MTMR7: variants seen among roughly 807,000 people sequenced by gnomAD.
MTMR7 encodes the protein myotubularin related protein 7, also known as phosphatidylinositol-3-phosphate phosphatase MTMR7.
A neutral mutation model predicts 81.2 loss-of-function variants in MTMR7; 76 were observed. The observed-to-expected ratio is 0.94, with a 90% CI of 0.78 to 1.13. The LOEUF is 1.13. Among genes scored for constraint, MTMR7 ranks in the 50% most tolerant of loss-of-function variants. The pLI is 0.00. For synonymous variants in MTMR7, 372 were observed against 289.8 expected, an observed-to-expected ratio of 1.28 and a Z score of -2.88; for missense variants, 1,044 against 820.0, an observed-to-expected ratio of 1.27 and a Z score of -3.34.
chr8:17,313,281 C>T lies in MTMR7; in HGVS notation c.975+11G>A. 2 of 1,583,124 alleles carry T rather than the reference C, an allele frequency of 1.3e-6. No individual in the cohort carries two copies. Among genetic ancestry groups the T allele is most frequent in the Non-Finnish European group, 1.7e-6 (2 of 1,154,164 alleles). ...TCTGTCCCTTAATTTATTTTCTCTG[C>T]AATTGCATACCTTTGCAATGAAGAT... On this transcript the variant is annotated intron_variant, in intron 8 of 13. Coordinates refer to ENST00000180173, the MANE Select transcript of MTMR7 (RefSeq NM_004686.5).
chr8:17,382,988 C>T (rs1339235339), intron 1 of MTMR7, among the ~76,000 whole-genome samples: 9 of 151,954 alleles, frequency 5.9e-5, no homozygotes. Flanking sequence ...ACTGTCAGGA[C>T]AGAATGTCTT....
chr8:17,388,906 T>C (rs896396083), intron 1 of MTMR7, among the ~76,000 whole-genome samples: 4 of 152,224 alleles, frequency 2.6e-5, no homozygotes, highest in Non-Finnish European at 5.9e-5. Context: ...GACTGCATAA[T>C]TGGCACCATA....
In MTMR7 at chr8:17,340,481, A is replaced by G. The variant is rs186434788; in HGVS notation, c.732+882T>C. 2.4e-4 allele frequency among the ~76,000 whole-genome samples: 36 copies of G among 152,320 alleles called. No homozygotes were observed. In the East Asian group the frequency reaches 6.0e-3, roughly 25 times the overall value. On this transcript the variant is annotated intron_variant, in intron 6 of 13. Transcript: ENST00000180173. Reference sequence around the variant, plus strand: ...CATCTCATTCTGTCTGCTGTAGTCAATGCACTTGTAGGTGACTTTGTGTCC... The same window carrying G: ...CATCTCATTCTGTCTGCTGTAGTCAGTGCACTTGTAGGTGACTTTGTGTCC...
intron 1 of MTMR7, among the ~76,000 whole-genome samples, chr8:17,389,937 G>A (rs1821052681): frequency 1.3e-5 from 2 of 151,982 alleles, no homozygotes; most frequent in East Asian, 3.9e-4. Context: ...AATATTTATT[G>A]TGCACCTTTA....
chr8:17,397,905 G>A (rs1821311575), intron 1 of MTMR7, among the ~76,000 whole-genome samples: 1 of 152,152 alleles, frequency 6.6e-6, no homozygotes, highest in African/African-American at 2.4e-5. Context: ...AGAAAATAAA[G>A]GAAGAGAAAA....
intron 4 of MTMR7, among the ~76,000 whole-genome samples, chr8:17,355,463 G>C (rs1030032800): frequency 6.6e-6 from 1 of 151,924 alleles, no homozygotes; most frequent in Non-Finnish European, 1.5e-5. Flanking sequence ...TGACTTTTAA[G>C]TATCAAGATT....
intron 9 of MTMR7, 150 bp downstream of exon 9, chr8:17,311,361 T>A (rs80249899): frequency 2.9e-6 from 3 of 1,032,664 alleles, no homozygotes; most frequent in Non-Finnish European, 2.8e-6. Flanking sequence ...CTGATTAAAT[T>A]AATCTTGATC....
At chr8:17,300,267 C>T (rs75248937) in intron 13 of MTMR7, 43 bp from the exon 14 acceptor site, 1 of 1,560,770 alleles carries the variant, frequency 6.4e-7, no homozygotes, top group Non-Finnish European at 8.7e-7. Context: ...TCATAAATAA[C>T]TTATCTTTTT....
At chr8:17,351,041 A>T (rs1819714148) in intron 4 of MTMR7, among the ~76,000 whole-genome samples, 1 of 152,188 alleles carries the variant, frequency 6.6e-6, no homozygotes, top group Admixed American at 6.5e-5. Flanking sequence ...ACCTCCATGA[A>T]GTCAGCCAGC....
chr8:17,393,283 G>A (rs1189880837), intron 1 of MTMR7, among the ~76,000 whole-genome samples: 1 of 152,116 alleles, frequency 6.6e-6, no homozygotes, highest in African/African-American at 2.4e-5. Flanking sequence ...ACTCAACATA[G>A]ATCAAAGACC....
chr8:17,347,055 G>A (rs1793462691), intron 5 of MTMR7, among the ~76,000 whole-genome samples: 1 of 151,872 alleles, frequency 6.6e-6, no homozygotes, highest in Non-Finnish European at 1.5e-5. Flanking sequence ...AATTAGCTGG[G>A]CCGGGTGGCA....
chr8:17,345,339 G>A (rs979852124), intron 5 of MTMR7, among the ~76,000 whole-genome samples: 1 of 152,186 alleles, frequency 6.6e-6, no homozygotes, highest in African/African-American at 2.4e-5. Flanking sequence ...TGCCAGTCAT[G>A]GAATGATGCA....
At chr8:17,302,504 G>A (rs1217241793) in intron 12 of MTMR7, 32 of 459,398 alleles carry the variant, frequency 7.0e-5, no homozygotes, top group Non-Finnish European at 7.6e-6. Context: ...AAGTCTGCCT[G>A]TATATATGAA....
rs1159639189 is a variant in MTMR7, at chr8:17,299,897, G to A, written c.1948C>T (p.Arg650Trp). Reference sequence around the variant, plus strand: ...AGAAACACGGCTTCATCAGAATCCCGGTCCTTGCCACTATCTTCACTCGGT... The same window carrying A: ...AGAAACACGGCTTCATCAGAATCCCAGTCCTTGCCACTATCTTCACTCGGT... Reference protein sequence around the residue: ...HAPSEDSGKDRDSDEAVFLTA With the variant: ...HAPSEDSGKDWDSDEAVFLTA Residue 650 changes from arginine (R) to tryptophan (W), a missense_variant, in exon 14 of 14, where the codon CGG (arginine) becomes TGG (tryptophan). Physicochemically the swap from Arg to Trp is moderately radical, Grantham distance 101 (BLOSUM62 -3). Transcript: ENST00000180173. 1.3e-5 allele frequency: 21 copies of A among 1,614,058 alleles called. No individual in the cohort carries two copies. Among genetic ancestry groups the A allele is most frequent in the East Asian group, 2.2e-5 (1 of 44,870 alleles).
At chr8:17,406,625 C>G (rs928676792) in intron 1 of MTMR7, among the ~76,000 whole-genome samples, 29 of 152,254 alleles carry the variant, frequency 1.9e-4, no homozygotes, top group African/African-American at 6.5e-4. Context: ...TCACCAAATT[C>G]TGTTCTCAGA....
At chr8:17,301,859 A>C (rs1455732618) in intron 13 of MTMR7, 3 of 410,156 alleles carry the variant, frequency 7.3e-6, no homozygotes, top group Non-Finnish European at 1.3e-5. Context: ...ACTTTCCAGA[A>C]AAAAATTAAT....
chr8:17,309,551 T>C (rs974069271), intron 9 of MTMR7, among the ~76,000 whole-genome samples: 2 of 152,186 alleles, frequency 1.3e-5, no homozygotes, highest in African/African-American at 2.4e-5. Context: ...TGTATAAAAA[T>C]GCAGGAACCC....
intron 4 of MTMR7, among the ~76,000 whole-genome samples, chr8:17,351,783 T>C (rs1188391708): frequency 1.3e-5 from 2 of 152,204 alleles, no homozygotes. Context: ...TAGAATGCAT[T>C]TGAGAAAAGC....
intron 1 of MTMR7, among the ~76,000 whole-genome samples, chr8:17,410,548 C>T (rs992252785): frequency 2.0e-5 from 3 of 152,116 alleles, no homozygotes; most frequent in African/African-American, 7.3e-5. Context: ...TTGGTGTCCC[C>T]CCTTTAACCC....
Sources: gnomAD v4.1 joint callset for allele counts (sites outside exome capture counted in the v4.1 genomes callset) on GRCh38, gnomAD v4.1.1 for gene constraint, MANE v1.5 for transcripts, NCBI Gene and HGNC (gene_info 2026-07-23, HGNC 2026-07-21) for gene names.